The following SLC1A4 variants were observed in gnomAD, a reference collection of about 807,000 sequenced individuals.
SLC1A4 encodes the protein solute carrier family 1 member 4, also known as neutral amino acid transporter A.
SLC1A4 carries 19 observed loss-of-function variants against 37.7 expected under a neutral mutation model. The ratio of observed to expected loss-of-function variants is 0.50; its 90% CI spans 0.35 to 0.74. The LOEUF (loss-of-function observed/expected upper bound fraction) is 0.74. Among genes scored for constraint, SLC1A4 ranks in the 30% least tolerant of loss-of-function variants. The pLI is 0.01. For missense variants in SLC1A4, 570 were observed against 712.9 expected (o/e 0.80, Z 2.28); for synonymous variants, 299 against 309.8 (o/e 0.97, Z 0.37).
chr2:64,990,270 T>C, intron 1 of SLC1A4, 100 bp downstream of exon 1: 3 of 1,137,488 alleles, frequency 2.6e-6, no homozygotes, highest in South Asian at 1.8e-5. Flanking sequence ...TAAGAGTTAA[T>C]TCTTAGCTGG....
chr2:65,014,994 C>A (rs955948681), intron 4 of SLC1A4, among the ~76,000 whole-genome samples: 1 of 152,216 alleles, frequency 6.6e-6, no homozygotes, highest in Non-Finnish European at 1.5e-5. Context: ...GAATATTATT[C>A]AGCCTTAGAA....
In SLC1A4 at chr2:65,016,649, C is replaced by A. The variant is rs748429918; in HGVS notation, c.1010C>A (p.Ala337Glu). Residue 337 changes from alanine to glutamate, a missense_variant, in exon 5 of 8, where the codon GCG becomes GAG. Coordinates refer to ENST00000234256, the MANE Select transcript of SLC1A4 (RefSeq NM_003038.5). ...RFLLGLLAPF[A>E]TAFATCSSSA... The stretch of plus-strand genomic sequence containing the variant: ...CTCCTGGGCCTCCTCGCCCCATTTG[C>A]GACAGCATTTGCTACCTGCTCCAGG... 3.7e-6 allele frequency: 6 copies of A among 1,614,054 alleles called. No individual in the cohort carries two copies. The highest frequency in any genetic ancestry group is 5.1e-6 in the Non-Finnish European group (6 of 1,179,918).
At chr2:64,991,361 A>C (rs1474623034) in intron 1 of SLC1A4, among the ~76,000 whole-genome samples, 1 of 151,940 alleles carries the variant, frequency 6.6e-6, no homozygotes, top group Non-Finnish European at 1.5e-5. Flanking sequence ...AGGGAGACCA[A>C]AAGTTCTTGC....
intron 1 of SLC1A4, among the ~76,000 whole-genome samples, chr2:64,999,018 C>T (rs952301563): frequency 1.3e-5 from 2 of 152,190 alleles, no homozygotes; most frequent in African/African-American, 4.8e-5. Flanking sequence ...CACAGGGCCC[C>T]TTGCTGCTTC....
At position 65,018,742 on chromosome 2, in the gene SLC1A4, C is replaced by T. The variant is rs1351236306; in HGVS notation, c.1364+63C>T. On this transcript the variant is annotated intron_variant, in intron 7 of 7. Coordinates refer to ENST00000234256, the MANE Select transcript of SLC1A4 (RefSeq NM_003038.5). This position sits in a 1 kb window ranked among gnomAD's most constrained non-coding sequence, Gnocchi z 4.3. ...CACTGAGTTCCCTAGGAGCTTAGCA[C>T]TGCTGGGCCTGGGCCATGCAGAGAA... 14 of 1,583,294 alleles carry T rather than the reference C, an allele frequency of 8.8e-6. No individual in the cohort carries two copies. The highest frequency in any genetic ancestry group is 1.3e-5 in the African/African-American group (1 of 74,422).
chr2:65,022,824 T>A lies in SLC1A4; in HGVS notation c.*1678T>A, dbSNP rs765429459. On this transcript the variant is annotated 3_prime_UTR_variant, in exon 8 of 8. Transcript: ENST00000234256. ...CCACCCTGTAACAGGCCATTAAAGC[T>A]CCCCAGTGTTCAGCCTCCTTCACTC... 2.0e-5 allele frequency: 3 copies of A among 152,256 alleles called. No individual in the cohort carries two copies. The highest frequency in any genetic ancestry group is 4.8e-5 in the African/African-American group (2 of 41,412). The allele number at this position is 152,256 out of a possible 1,614,324, so 9.4% of individuals were successfully genotyped here. A position where few individuals can be genotyped will look rare whatever the true frequency, so the allele number is the denominator to read the frequency against.
In SLC1A4 at chr2:65,018,517, T is replaced by C; in HGVS notation, c.1230-28T>C. 1 of 1,612,600 alleles carries C rather than the reference T, an allele frequency of 6.2e-7. No individual in the cohort carries two copies. Among genetic ancestry groups the C allele is most frequent in the Non-Finnish European group, 8.5e-7 (1 of 1,179,338 alleles). On this transcript the variant is annotated intron_variant, in intron 6 of 7. Coordinates refer to ENST00000234256, the MANE Select transcript of SLC1A4 (RefSeq NM_003038.5). This position sits in a 1 kb window ranked among gnomAD's most constrained non-coding sequence, Gnocchi z 4.3. ...GTGTCCACTCCACGCTCTATGTTAA[T>C]GGCTGGCCCTGCTCTGCCATCCCTT...
intron 3 of SLC1A4, among the ~76,000 whole-genome samples, chr2:65,007,131 T>C (rs895854441): frequency 4.6e-5 from 7 of 152,336 alleles, no homozygotes; most frequent in Middle Eastern, 3.4e-3. Context: ...ACTCCAGTAG[T>C]GCTCAATACA....
At chr2:65,017,347 T>TAAAA (rs11343144) in intron 5 of SLC1A4, among the ~76,000 whole-genome samples, 17 of 111,362 alleles carry the variant, frequency 1.5e-4, no homozygotes, top group African/African-American at 2.0e-4. Flanking sequence ...TGGAAAACCT[T>TAAAA]AAAAAAAAAA....
At chr2:65,003,312 C>T (rs1025797204) in intron 2 of SLC1A4, among the ~76,000 whole-genome samples, 3 of 152,226 alleles carry the variant, frequency 2.0e-5, no homozygotes, top group African/African-American at 4.8e-5. Flanking sequence ...CATACTGCCA[C>T]AGGCAGACAC....
chr2:65,002,901 A>G (rs1318867722), intron 2 of SLC1A4, among the ~76,000 whole-genome samples: 2 of 152,132 alleles, frequency 1.3e-5, no homozygotes, highest in African/African-American at 4.8e-5. Flanking sequence ...TTACACAGAG[A>G]AGGAATATAA....
At position 64,990,159 on chromosome 2, in the gene SLC1A4, C is replaced by T. The variant is rs368279946; in HGVS notation, c.516C>T (p.Leu172=). ...CCAAAGAGACGGTGGACTCTTTCCT[C>T]GACCTGGCCAGGTAACACTCTCCAC... is the stretch of plus-strand genomic sequence containing the variant. ...PVPKETVDSF[L]DLARNLFPSN... is the part of the protein sequence containing the mutation. Residue 172 remains leucine, a synonymous_variant, in exon 1 of 8, where the codon CTC becomes CTT. Coordinates refer to ENST00000234256, the MANE Select transcript of SLC1A4 (RefSeq NM_003038.5). 1 of 1,604,592 alleles carries T rather than the reference C, an allele frequency of 6.2e-7. No individual in the cohort carries two copies. Among genetic ancestry groups the T allele is most frequent in the Non-Finnish European group, 8.5e-7 (1 of 1,174,758 alleles).
chr2:65,021,043 A>G lies in SLC1A4; in HGVS notation c.1496A>G (p.Asn499Ser), dbSNP rs546528482. The change falls in exon 8 of 8, where the codon AAC becomes AGC. Residue 499 changes from asparagine to serine, a missense_variant. Coordinates refer to ENST00000234256, the MANE Select transcript of SLC1A4 (RefSeq NM_003038.5). ...LAEVKVEAIP[N>S]CKSEEETSPL... is the part of the protein sequence containing the mutation. ...GAGGTGAAAGTGGAAGCCATCCCCA[A>G]CTGCAAGTCTGAGGAGGAGACATCG... is the stretch of plus-strand genomic sequence containing the variant. 4.3e-6 allele frequency: 7 copies of G among 1,614,200 alleles called. No individual in the cohort carries two copies. The highest frequency in any genetic ancestry group is 3.3e-4 in the Middle Eastern group (2 of 6,062).
At chr2:64,990,833 C>A (rs964470106) in intron 1 of SLC1A4, among the ~76,000 whole-genome samples, 3 of 152,126 alleles carry the variant, frequency 2.0e-5, no homozygotes, top group African/African-American at 7.2e-5. Context: ...TTTCTTTGTG[C>A]GAAAGTGTGA....
chr2:65,004,324 C>T (rs1673593619), intron 3 of SLC1A4, among the ~76,000 whole-genome samples: 2 of 152,182 alleles, frequency 1.3e-5, no homozygotes, highest in South Asian at 2.1e-4. Flanking sequence ...GTGATCATGG[C>T]TCACTGAACT....
At chr2:65,005,965 T>C (rs1673654957) in intron 3 of SLC1A4, among the ~76,000 whole-genome samples, 1 of 152,208 alleles carries the variant, frequency 6.6e-6, no homozygotes, top group African/African-American at 2.4e-5. Flanking sequence ...ATCGTGCCAC[T>C]GCACTCCAGC....
intron 5 of SLC1A4, 129 bp downstream of exon 5, chr2:65,016,802 GTTAT>G: frequency 1.5e-6 from 1 of 677,580 alleles, no homozygotes; most frequent in Non-Finnish European, 2.5e-6. Flanking sequence ...TCGGTCTTCT[GTTAT>G]TTTTTTGTTT....
Position 65,020,921 on chromosome 2 carries a change from C to G in SLC1A4, c.1374C>G (p.Thr458=). 6.2e-7 allele frequency: 1 copy of G among 1,613,966 alleles called. No homozygotes were observed. Among genetic ancestry groups the G allele is most frequent in the Non-Finnish European group, 8.5e-7 (1 of 1,179,838 alleles). Residue 458 remains threonine, a synonymous_variant, in exon 8 of 8, where the codon ACC becomes ACG. Coordinates refer to ENST00000234256, the MANE Select transcript of SLC1A4 (RefSeq NM_003038.5). ...CTTCTTTTCCCACCAGGGACCGGAC[C>G]ACCACGGTGGTGAATGTGGAAGGGG... ...ILAVDWIVDR[T]TTVVNVEGDA...
Position 65,018,792 on chromosome 2 carries a change from G to A in SLC1A4, c.1364+113G>A, listed in dbSNP as rs1471509906. Reference sequence around the variant, plus strand: ...AACTTCAGACACACTCCAGCCTTGTGAAGGAGGCTACAGTGGAGCTAAAAG... The same window carrying A: ...AACTTCAGACACACTCCAGCCTTGTAAAGGAGGCTACAGTGGAGCTAAAAG... On this transcript the variant is annotated intron_variant, in intron 7 of 7. Transcript: ENST00000234256. This position sits in a 1 kb window ranked among gnomAD's most constrained non-coding sequence, Gnocchi z 4.3. 1.2e-5 allele frequency: 15 copies of A among 1,289,494 alleles called. No homozygotes were observed. The highest frequency in any genetic ancestry group is 1.5e-5 in the African/African-American group (1 of 67,698). 79.9% of individuals were successfully genotyped at this position (1,289,494 alleles called of 1,614,324 possible). A position where few individuals can be genotyped will look rare whatever the true frequency, so the allele number is the denominator to read the frequency against.
Sources: gnomAD v4.1 joint callset for allele counts (sites outside exome capture counted in the v4.1 genomes callset) on GRCh38, gnomAD v4.1.1 for gene constraint, Gnocchi (gnomAD v3.1) non-coding constraint, MANE v1.5 for transcripts, NCBI Gene and HGNC (gene_info 2026-07-23, HGNC 2026-07-21) for gene names.